The following GPR158 variants were observed in gnomAD, a reference collection of about 807,000 sequenced individuals.
The protein encoded by GPR158 is metabotropic glycine receptor.
Under a neutral mutation model 78.2 loss-of-function variants are expected in GPR158, and 30 were observed. The observed-to-expected ratio is 0.38, with a 90% CI of 0.29 to 0.52. The LOEUF (loss-of-function observed/expected upper bound fraction) is 0.52, where lower values mean the gene tolerates loss of function less well. Among genes scored for constraint, GPR158 ranks in the 20% least tolerant of loss-of-function variants. The pLI is 0.83. For missense variants in GPR158, 1,463 were observed against 1,523.5 expected, an observed-to-expected ratio of 0.96 and a Z score of 0.66; for synonymous variants, 581 against 591.1, an observed-to-expected ratio of 0.98 and a Z score of 0.25.
intron 2 of GPR158, among the ~76,000 whole-genome samples, chr10:25,227,994 A>ACATT (rs1447069351): frequency 1.6e-3 from 241 of 152,370 alleles, no homozygotes; most frequent in Middle Eastern, 3.4e-3. Flanking sequence ...TTTTTTGACA[A>ACATT]TATGGTAAAA....
rs144684202 is a variant in GPR158, at chr10:25,579,141, C to T, written c.1753+6254C>T. Among the ~76,000 whole-genome samples, 293 of 151,468 alleles carry T rather than the reference C, an allele frequency of 1.9e-3. 2 individuals are homozygous for T. Among genetic ancestry groups the T allele is most frequent in the African/African-American group, 6.5e-3 (269 of 41,334 alleles). ...GGAAACTGTTGGTAGTACAACTGTA[C>T]GACTGTCAGATTTTTTTTTTTTTTC... On this transcript the variant is annotated intron_variant, in intron 7 of 10. Transcript: ENST00000376351.
At chr10:25,310,355 T>C (rs1854746021) in intron 2 of GPR158, among the ~76,000 whole-genome samples, 1 of 152,186 alleles carries the variant, frequency 6.6e-6, no homozygotes, top group Non-Finnish European at 1.5e-5. Flanking sequence ...TTGTTCTTTT[T>C]CGGGATTGCT....
intron 4 of GPR158, among the ~76,000 whole-genome samples, chr10:25,425,646 T>TTCTGACGAAAGACTAATACCCAGAA (rs373615683): frequency 0.011 from 1,667 of 152,098 alleles, 30 homozygotes; most frequent in African/African-American, 0.039. Flanking sequence ...CGACCTGTGC[T>TTCTGACGAAAGACTAATACCCAGAA]TCTGACGAAA....
intron 2 of GPR158, among the ~76,000 whole-genome samples, chr10:25,367,477 A>G (rs77604782): frequency 0.015 from 2,250 of 151,794 alleles, 65 homozygotes; most frequent in African/African-American, 0.052. Flanking sequence ...CTTCTTGGCC[A>G]TTTGCATTTA....
At chr10:25,268,259 T>C (rs1006518728) in intron 2 of GPR158, among the ~76,000 whole-genome samples, 6 of 152,176 alleles carry the variant, frequency 3.9e-5, no homozygotes, top group Non-Finnish European at 1.5e-5. Flanking sequence ...AAATAATTTT[T>C]ACTTGAATAT....
At chr10:25,324,749 C>T (rs905836671) in intron 2 of GPR158, among the ~76,000 whole-genome samples, 2 of 151,746 alleles carry the variant, frequency 1.3e-5, no homozygotes, top group African/African-American at 4.8e-5. Flanking sequence ...ATGCCTCTGC[C>T]TGTGTGTCTT....
chr10:25,507,693 A>G (rs958638191), intron 5 of GPR158, among the ~76,000 whole-genome samples: 1 of 152,236 alleles, frequency 6.6e-6, no homozygotes, highest in Admixed American at 6.5e-5. Context: ...TGACATGACA[A>G]TCACTCTGGT....
chr10:25,220,092 CA>C (rs1273586040), intron 1 of GPR158, among the ~76,000 whole-genome samples: 3 of 151,978 alleles, frequency 2.0e-5, no homozygotes, highest in African/African-American at 7.3e-5. Flanking sequence ...TGTGGGGCCT[CA>C]AAAATGTGTT....
intron 3 of GPR158, among the ~76,000 whole-genome samples, chr10:25,401,372 G>A (rs537453940): frequency 9.1e-4 from 138 of 151,974 alleles, no homozygotes; most frequent in African/African-American, 3.1e-3. Context: ...TCCAATTGCC[G>A]GTCTTATGTT....
intron 2 of GPR158, among the ~76,000 whole-genome samples, chr10:25,285,528 TG>T (rs375803835): frequency 6.6e-6 from 1 of 152,174 alleles, no homozygotes; most frequent in Non-Finnish European, 1.5e-5. Context: ...GTCAAAAGCC[TG>T]GGGAACTTGG....
At position 25,247,646 on chromosome 10, in the gene GPR158, C is replaced by T. The variant is rs1381303231; in HGVS notation, c.1008+26489C>T. Among the ~76,000 whole-genome samples, 89 of 147,616 alleles carry T rather than the reference C, an allele frequency of 6.0e-4. 1 individual carries two copies. The highest frequency in any genetic ancestry group is 2.0e-3 in the African/African-American group (80 of 39,936). On this transcript the variant is annotated intron_variant, in intron 2 of 10. Coordinates refer to ENST00000376351, the MANE Select transcript of GPR158 (RefSeq NM_020752.3). Reference sequence around the variant, plus strand: ...CATGTCCCTACAAAGGACATGAACTCATCATTTTTTATGGCTGCATAGTAT... The same window carrying T: ...CATGTCCCTACAAAGGACATGAACTTATCATTTTTTATGGCTGCATAGTAT...
chr10:25,242,592 C>T (rs1332983395), intron 2 of GPR158, among the ~76,000 whole-genome samples: 1 of 152,016 alleles, frequency 6.6e-6, no homozygotes, highest in Non-Finnish European at 1.5e-5. Context: ...TTGGATAAGC[C>T]CTTGGCCATT....
Position 25,552,084 on chromosome 10 carries a change from AAAAG to A in GPR158, c.1514+1000_1514+1003del, listed in dbSNP as rs1337049384. ...TTATCCTTTTATCTTTTTGGGAAAAAAAAGTGAATGTGTTTGACTCTCAAGATTC... is the reference window on the plus strand; with the variant it reads ...TTATCCTTTTATCTTTTTGGGAAAAATGAATGTGTTTGACTCTCAAGATTC... On this transcript the variant is annotated intron_variant, in intron 6 of 10. Coordinates refer to ENST00000376351, the MANE Select transcript of GPR158 (RefSeq NM_020752.3). Among the ~76,000 whole-genome samples, 8 of 152,140 alleles carry A rather than the reference AAAAG, an allele frequency of 5.3e-5. No individual in the cohort carries two copies. In the East Asian group the frequency reaches 1.5e-3, roughly 29 times the overall value.
chr10:25,340,872 A>C (rs1855292954), intron 2 of GPR158, among the ~76,000 whole-genome samples: 1 of 152,074 alleles, frequency 6.6e-6, no homozygotes, highest in Non-Finnish European at 1.5e-5. Context: ...ATTAACTCCA[A>C]AGAAGTACTA....
At chr10:25,351,796 CA>C (rs200849146) in intron 2 of GPR158, among the ~76,000 whole-genome samples, 2,343 of 149,886 alleles carry the variant, frequency 0.016, 71 homozygotes, top group African/African-American at 0.055. Context: ...AGGTTTGTTT[CA>C]TAGGTAAATG....
chr10:25,592,946 C>T (rs373047535), intron 8 of GPR158, among the ~76,000 whole-genome samples: 62 of 148,280 alleles, frequency 4.2e-4, no homozygotes, highest in African/African-American at 1.4e-3. Context: ...AAACAGACTG[C>T]GTCAAAAGTC....
At chr10:25,497,813 A>G (rs1298219951) in intron 5 of GPR158, among the ~76,000 whole-genome samples, 6 of 152,132 alleles carry the variant, frequency 3.9e-5, no homozygotes, top group East Asian at 1.9e-4. Flanking sequence ...AAAGAAGAGT[A>G]CCCTTCTACT....
chr10:25,212,382 C>A (rs1564392746), intron 1 of GPR158, among the ~76,000 whole-genome samples: 1 of 152,064 alleles, frequency 6.6e-6, no homozygotes. Flanking sequence ...AACATACTCA[C>A]CATCACAAGA....
chr10:25,509,352 A>G (rs577971485), intron 5 of GPR158, among the ~76,000 whole-genome samples: 2 of 152,268 alleles, frequency 1.3e-5, no homozygotes, highest in East Asian at 3.9e-4. Context: ...TGCATAACAA[A>G]TTACCTCAAA....
Sources: gnomAD v4.1 joint callset for allele counts (sites outside exome capture counted in the v4.1 genomes callset) on GRCh38, gnomAD v4.1.1 for gene constraint, MANE v1.5 for transcripts, NCBI Gene and HGNC (gene_info 2026-07-23, HGNC 2026-07-21) for gene names.